The following PDE8B variants were observed in gnomAD, a reference collection of about 807,000 sequenced individuals.
The protein encoded by PDE8B is high affinity cAMP-specific and IBMX-insensitive 3',5'-cyclic phosphodiesterase 8B.
PDE8B carries 26 observed loss-of-function variants against 101.3 expected under a neutral mutation model. The ratio of observed to expected loss-of-function variants is 0.26; its 90% CI spans 0.19 to 0.36. The LOEUF is 0.36. Ranked by LOEUF, PDE8B falls within the 10% of genes least tolerant of loss-of-function variation. PDE8B has a pLI of 1.00. For missense variants in PDE8B, 810 were observed against 1,163.1 expected (o/e 0.70, Z 4.42); for synonymous variants, 424 against 429.3 (o/e 0.99, Z 0.15).
intron 10 of PDE8B, chr5:77,358,600 G>A (rs1437379019): frequency 4.8e-6 from 1 of 206,292 alleles, no homozygotes; most frequent in African/African-American, 2.4e-5. Context: ...GGAAATTAAA[G>A]ATGCAACTTC....
the PDE8B span, among the ~76,000 whole-genome samples, chr5:77,109,943 T>G: frequency 3.1e-5 from 4 of 128,722 alleles, no homozygotes; most frequent in Admixed American, 3.1e-4. Flanking sequence ...TTTTTTTTTT[T>G]TTTTTTTTTT....
At chr5:77,394,868 A>T (rs1581454470) in intron 10 of PDE8B, among the ~76,000 whole-genome samples, 1 of 152,286 alleles carries the variant, frequency 6.6e-6, no homozygotes, top group South Asian at 2.1e-4. Context: ...GAGCCAAGGG[A>T]CCTGGGCACT....
At chr5:77,337,376 C>T in intron 6 of PDE8B, 61 bp downstream of exon 6, 2 of 877,582 alleles carry the variant, frequency 2.3e-6, no homozygotes, top group Non-Finnish European at 3.8e-6. Context: ...TCTTATCTGT[C>T]AACAGGCTGA....
intron 1 of PDE8B, among the ~76,000 whole-genome samples, chr5:77,237,032 T>A (rs1292537010): frequency 1.3e-5 from 2 of 152,188 alleles, no homozygotes; most frequent in African/African-American, 4.8e-5. Flanking sequence ...TTATGTAATT[T>A]CCCTTTTTAT....
chr5:77,278,810 A>G (rs556270802), intron 1 of PDE8B, among the ~76,000 whole-genome samples: 1 of 152,150 alleles, frequency 6.6e-6, no homozygotes, highest in African/African-American at 2.4e-5. Flanking sequence ...TATTAATGCT[A>G]ACACTGAAAA....
chr5:77,386,000 G>A (rs757568283), intron 10 of PDE8B, among the ~76,000 whole-genome samples: 2 of 151,988 alleles, frequency 1.3e-5, no homozygotes, highest in African/African-American at 2.4e-5. Context: ...TGTTGGCCAG[G>A]CTTGTCTCAA....
the PDE8B span, among the ~76,000 whole-genome samples, chr5:77,179,156 C>G: frequency 1.3e-5 from 2 of 152,208 alleles, no homozygotes; most frequent in Non-Finnish European, 2.9e-5. Flanking sequence ...AATGCTTGGG[C>G]TCCTAGAAAA....
At chr5:77,095,651 A>G in the PDE8B span, among the ~76,000 whole-genome samples, 2 of 152,160 alleles carry the variant, frequency 1.3e-5, no homozygotes, top group Non-Finnish European at 2.9e-5. Flanking sequence ...TTGCTTGCAA[A>G]TCGACATAGA....
chr5:77,130,007 G>A, the PDE8B span, among the ~76,000 whole-genome samples: 1 of 152,182 alleles, frequency 6.6e-6, no homozygotes, highest in Non-Finnish European at 1.5e-5. Flanking sequence ...TTTTCACACA[G>A]AGATGCAGTT....
intron 13 of PDE8B, among the ~76,000 whole-genome samples, chr5:77,408,532 C>T (rs954763755): frequency 1.3e-5 from 2 of 152,078 alleles, no homozygotes; most frequent in Admixed American, 6.5e-5. Flanking sequence ...GGAGGTATAT[C>T]GAAAGTCCCT....
chr5:77,249,922 G>A (rs1580573633), intron 1 of PDE8B, among the ~76,000 whole-genome samples: 2 of 152,352 alleles, frequency 1.3e-5, no homozygotes, highest in South Asian at 4.1e-4. Context: ...ACAAGTCGAT[G>A]CAAGCCTCGT....
chr5:77,150,066 G>T, the PDE8B span, among the ~76,000 whole-genome samples: 1 of 152,160 alleles, frequency 6.6e-6, no homozygotes, highest in Non-Finnish European at 1.5e-5. Context: ...GATGCACTGA[G>T]CCACATCCTC....
the PDE8B span, among the ~76,000 whole-genome samples, chr5:77,156,131 G>T: frequency 2.6e-5 from 4 of 152,158 alleles, no homozygotes; most frequent in Admixed American, 2.0e-4. Flanking sequence ...CCCTGAGCAC[G>T]CACTGATTAA....
chr5:77,285,590 T>G (rs1765845376), intron 1 of PDE8B, among the ~76,000 whole-genome samples: 1 of 152,228 alleles, frequency 6.6e-6, no homozygotes, highest in Non-Finnish European at 1.5e-5. Context: ...TCTTTGTATT[T>G]TTCCTGTCTG....
chr5:77,281,373 A>G (rs1166402839), intron 1 of PDE8B, among the ~76,000 whole-genome samples: 2 of 152,362 alleles, frequency 1.3e-5, no homozygotes, highest in African/African-American at 4.8e-5. Flanking sequence ...ATGACTTAAA[A>G]CAACAAAACA....
chr5:77,233,202 G>A (rs1753934156), intron 1 of PDE8B, among the ~76,000 whole-genome samples: 1 of 152,060 alleles, frequency 6.6e-6, no homozygotes, highest in Admixed American at 6.5e-5. Context: ...TTGCTTAGTT[G>A]TACTTCTCCT....
chr5:77,229,634 GTT>G (rs1174700274), intron 1 of PDE8B, among the ~76,000 whole-genome samples: 1 of 152,024 alleles, frequency 6.6e-6, no homozygotes, highest in Non-Finnish European at 1.5e-5. Context: ...CCATTAATGT[GTT>G]TTCAGGCACT....
At chr5:77,267,881 CTA>C (rs1172641696) in intron 1 of PDE8B, among the ~76,000 whole-genome samples, 1 of 152,140 alleles carries the variant, frequency 6.6e-6, no homozygotes, top group South Asian at 2.1e-4. Context: ...AATAAGTTGT[CTA>C]TAAGTTGATT....
At chr5:77,172,659 C>A in the PDE8B span, among the ~76,000 whole-genome samples, 1 of 152,156 alleles carries the variant, frequency 6.6e-6, no homozygotes, top group East Asian at 1.9e-4. Flanking sequence ...TTTGGAAATT[C>A]AGAAATAAGA....
Sources: allele counts gnomAD v4.1 joint callset (sites outside exome capture counted in the v4.1 genomes callset), GRCh38; gene constraint gnomAD v4.1.1; transcripts MANE v1.5; gene names NCBI Gene and HGNC (gene_info 2026-07-23, HGNC 2026-07-21).